SLC25A26: variants seen among roughly 807,000 people sequenced by gnomAD.
SLC25A26 encodes solute carrier family 25 member 26.
A neutral mutation model predicts 37.8 loss-of-function variants in SLC25A26; 36 were observed. The observed-to-expected ratio is 0.95, with a 90% confidence interval of 0.73 to 1.26. The LOEUF (loss-of-function observed/expected upper bound fraction) is 1.26. Ranked by LOEUF, SLC25A26 falls within the 50% of genes most tolerant of loss-of-function variation. SLC25A26 has a pLI of 0.00. For synonymous variants in SLC25A26, 129 were observed against 122.5 expected (o/e 1.05, Z -0.35); for missense variants, 390 against 331.1 (o/e 1.18, Z -1.38).
intron 5 of SLC25A26, among the ~76,000 whole-genome samples, chr3:66,281,763 G>A (rs2074346768): frequency 6.7e-6 from 1 of 149,562 alleles, no homozygotes; most frequent in African/African-American, 2.5e-5. Flanking sequence ...TCCCATATTT[G>A]TCCAGTGGGG....
Position 66,144,686 on chromosome 3 carries a change from C to A in SLC25A26, c.-354+10702C>A, listed in dbSNP as rs1372413945. Among the ~76,000 whole-genome samples, 4 of 152,064 alleles carry A rather than the reference C, an allele frequency of 2.6e-5. No individual in the cohort carries two copies. In the South Asian group the frequency reaches 6.2e-4, roughly 24 times the overall value. On this transcript the variant is annotated intron_variant, in intron 1 of 10. Coordinates refer to the SLC25A26 transcript ENST00000676754. ...GTCCTGGAAGTAAAGGAGGTTGCAC[C>A]GAGGCTGAGAAAATAGAGTGATCAT...
chr3:66,230,710 C>T (rs1440632341), intron 1 of SLC25A26, among the ~76,000 whole-genome samples: 1 of 140,750 alleles, frequency 7.1e-6, no homozygotes, highest in Non-Finnish European at 1.5e-5. Context: ...TAGGCTGAGG[C>T]GGGAGAATCA....
intron 3 of SLC25A26, among the ~76,000 whole-genome samples, chr3:66,247,013 C>T (rs976735361): frequency 6.6e-6 from 1 of 152,072 alleles, no homozygotes; most frequent in Non-Finnish European, 1.5e-5. Flanking sequence ...AGGCACCCGC[C>T]ACCACACCCG....
intron 5 of SLC25A26, among the ~76,000 whole-genome samples, chr3:66,314,255 T>C (rs2107614959): frequency 6.6e-6 from 1 of 152,310 alleles, no homozygotes; most frequent in South Asian, 2.1e-4. Flanking sequence ...GGCTGTGGGT[T>C]TGTCCTGTAT....
intron 5 of SLC25A26, among the ~76,000 whole-genome samples, chr3:66,314,327 G>A (rs1218451168): frequency 1.3e-5 from 2 of 152,108 alleles, no homozygotes; most frequent in African/African-American, 2.4e-5. Context: ...TAACATGAAA[G>A]GATGTTGAGT....
chr3:66,149,112 A>G (rs927460892), intron 1 of SLC25A26, among the ~76,000 whole-genome samples: 9 of 152,086 alleles, frequency 5.9e-5, no homozygotes, highest in African/African-American at 2.2e-4. Context: ...CTCTGTGGAC[A>G]TGGGGATAAG....
At chr3:66,323,659 C>T (rs1015714522) in intron 5 of SLC25A26, among the ~76,000 whole-genome samples, 1 of 151,974 alleles carries the variant, frequency 6.6e-6, no homozygotes, top group Non-Finnish European at 1.5e-5. Context: ...GAAAAAAATA[C>T]AAAAATTAGC....
At chr3:66,183,189 G>A (rs1368403953) in intron 1 of SLC25A26, among the ~76,000 whole-genome samples, 3 of 151,410 alleles carry the variant, frequency 2.0e-5, no homozygotes, top group Non-Finnish European at 2.9e-5. Flanking sequence ...TAATCCTTTC[G>A]CTGACCCTGA....
intron 8 of SLC25A26, among the ~76,000 whole-genome samples, chr3:66,369,756 G>T (rs2107840075): frequency 6.6e-6 from 1 of 152,266 alleles, no homozygotes; most frequent in South Asian, 2.1e-4. Flanking sequence ...TTCACATAGG[G>T]CTGGTAGAGC....
intron 1 of SLC25A26, among the ~76,000 whole-genome samples, chr3:66,184,525 C>T (rs986492056): frequency 8.6e-5 from 5 of 58,066 alleles, no homozygotes; most frequent in Admixed American, 2.4e-4. Flanking sequence ...TCACCACTAC[C>T]CTAACACTTT....
chr3:66,276,711 T>C (rs533147457), intron 5 of SLC25A26, among the ~76,000 whole-genome samples: 1 of 152,210 alleles, frequency 6.6e-6, no homozygotes, highest in Admixed American at 6.5e-5. Context: ...TCTTTGGCCT[T>C]GAAGTGGTTT....
At chr3:66,316,943 C>G (rs966857070) in intron 5 of SLC25A26, among the ~76,000 whole-genome samples, 2 of 152,106 alleles carry the variant, frequency 1.3e-5, no homozygotes, top group South Asian at 2.1e-4. Flanking sequence ...TTGTGTTTTT[C>G]AACTCCATCA....
At chr3:66,289,262 A>G (rs1008429778) in intron 5 of SLC25A26, among the ~76,000 whole-genome samples, 3 of 152,188 alleles carry the variant, frequency 2.0e-5, no homozygotes, top group Non-Finnish European at 2.9e-5. Flanking sequence ...ATTTTCTCCT[A>G]TTCTGTAGGT....
intron 9 of SLC25A26, chr3:66,371,544 G>C: frequency 2.5e-6 from 3 of 1,196,648 alleles, no homozygotes; most frequent in Middle Eastern, 6.0e-4. Flanking sequence ...AGGGATTGAC[G>C]TTGGGGGTGT....
intron 5 of SLC25A26, among the ~76,000 whole-genome samples, chr3:66,341,196 AATG>A (rs1252865984): frequency 6.6e-6 from 1 of 152,154 alleles, no homozygotes; most frequent in Non-Finnish European, 1.5e-5. Flanking sequence ...CACCATTAAG[AATG>A]ATATTAGCCA....
intron 5 of SLC25A26, among the ~76,000 whole-genome samples, chr3:66,343,382 T>G (rs1427902374): frequency 6.6e-6 from 1 of 152,254 alleles, no homozygotes; most frequent in African/African-American, 2.4e-5. Flanking sequence ...TTTAATTATT[T>G]AGGCATTTAT....
At chr3:66,330,214 A>G (rs1340534860) in intron 5 of SLC25A26, among the ~76,000 whole-genome samples, 3 of 152,188 alleles carry the variant, frequency 2.0e-5, no homozygotes, top group Non-Finnish European at 2.9e-5. Context: ...CTATATAGTC[A>G]TCTTTAAGAT....
At chr3:66,214,234 C>G (rs1327401605) in intron 1 of SLC25A26, among the ~76,000 whole-genome samples, 1 of 151,998 alleles carries the variant, frequency 6.6e-6, no homozygotes, top group Non-Finnish European at 1.5e-5. Flanking sequence ...ATCTTTCTAC[C>G]TCTCTCACCA....
intron 1 of SLC25A26, among the ~76,000 whole-genome samples, chr3:66,232,782 C>T (rs931340235): frequency 3.3e-5 from 5 of 152,212 alleles, no homozygotes; most frequent in Admixed American, 3.3e-4. Flanking sequence ...TCTTCATCCT[C>T]GGGGCTGTTG....
Sources: allele counts gnomAD v4.1 joint callset (sites outside exome capture counted in the v4.1 genomes callset), GRCh38; gene constraint gnomAD v4.1.1; transcripts MANE v1.5; gene names NCBI Gene and HGNC (gene_info 2026-07-23, HGNC 2026-07-21).